The following ARB2A variants were observed in gnomAD, a reference collection of about 807,000 sequenced individuals.
ARB2A encodes the protein ARB2 cotranscriptional regulator A, also known as cotranscriptional regulator ARB2A.
the ARB2A span, among the ~76,000 whole-genome samples, chr5:93,672,343 C>A: frequency 6.6e-6 from 1 of 150,666 alleles, no homozygotes; most frequent in Non-Finnish European, 1.5e-5. Context: ...GATGGAGTCT[C>A]GCTGTCACGA....
chr5:93,811,340 A>G, the ARB2A span, among the ~76,000 whole-genome samples: 1 of 152,180 alleles, frequency 6.6e-6, no homozygotes, highest in African/African-American at 2.4e-5. Context: ...AATGATTTGG[A>G]GACTGTCTAA....
the ARB2A span, among the ~76,000 whole-genome samples, chr5:93,897,726 T>TA: frequency 6.6e-6 from 1 of 151,878 alleles, no homozygotes; most frequent in Admixed American, 6.6e-5. Flanking sequence ...ATCCTCATGC[T>TA]AAAAATATTT....
At chr5:93,740,266 G>A in the ARB2A span, 2 of 243,790 alleles carry the variant, frequency 8.2e-6, no homozygotes, top group Non-Finnish European at 1.6e-5. Context: ...ATAACCACAA[G>A]GAATAACAGA....
the ARB2A span, among the ~76,000 whole-genome samples, chr5:93,755,072 C>T: frequency 1.3e-5 from 2 of 152,066 alleles, no homozygotes; most frequent in African/African-American, 4.8e-5. Flanking sequence ...AAATTATAGC[C>T]TTAAATTCTA....
At chr5:94,085,554 A>C in the ARB2A span, among the ~76,000 whole-genome samples, 6 of 152,250 alleles carry the variant, frequency 3.9e-5, no homozygotes, top group African/African-American at 1.2e-4. Context: ...CAAGAAAGAT[A>C]GATCCAGTAA....
chr5:93,992,478 A>T, the ARB2A span, among the ~76,000 whole-genome samples: 1 of 152,048 alleles, frequency 6.6e-6, no homozygotes, highest in South Asian at 2.1e-4. Flanking sequence ...CCAAAACAGG[A>T]TGTTAAGTGG....
chr5:94,073,270 T>C, the ARB2A span, among the ~76,000 whole-genome samples: 1 of 152,144 alleles, frequency 6.6e-6, no homozygotes, highest in Non-Finnish European at 1.5e-5. Context: ...TCCAGTTTAC[T>C]CCTCCCTTAA....
At chr5:93,880,178 C>T in the ARB2A span, among the ~76,000 whole-genome samples, 3 of 151,738 alleles carry the variant, frequency 2.0e-5, no homozygotes, top group African/African-American at 7.2e-5. Flanking sequence ...ATATTATAAT[C>T]TGCTTGATTC....
At chr5:94,032,352 C>A in the ARB2A span, among the ~76,000 whole-genome samples, 4 of 152,194 alleles carry the variant, frequency 2.6e-5, no homozygotes, top group Non-Finnish European at 5.9e-5. Flanking sequence ...AGGTGTCTCA[C>A]ATGGCAAGAG....
At chr5:93,928,562 A>C in the ARB2A span, among the ~76,000 whole-genome samples, 1 of 152,158 alleles carries the variant, frequency 6.6e-6, no homozygotes, top group East Asian at 1.9e-4. Flanking sequence ...TTTTTTATCT[A>C]AGCACAGGCA....
the ARB2A span, among the ~76,000 whole-genome samples, chr5:94,053,822 A>T: frequency 6.6e-6 from 1 of 152,094 alleles, no homozygotes; most frequent in Non-Finnish European, 1.5e-5. Context: ...GCTGGAGTGC[A>T]GTGGCACAAT....
chr5:93,894,008 T>C, the ARB2A span, among the ~76,000 whole-genome samples: 2 of 152,192 alleles, frequency 1.3e-5, no homozygotes, highest in Admixed American at 6.6e-5. Flanking sequence ...TGCAGGGCAA[T>C]GTATAGACAA....
the ARB2A span, among the ~76,000 whole-genome samples, chr5:93,844,526 A>G: frequency 6.6e-6 from 1 of 152,174 alleles, no homozygotes; most frequent in South Asian, 2.1e-4. Context: ...TAAATGTAAC[A>G]TAAATGCAGA....
the ARB2A span, chr5:93,743,624 C>A: frequency 3.8e-6 from 3 of 792,008 alleles, no homozygotes; most frequent in Non-Finnish European, 4.6e-6. Context: ...GAAGAGAAAG[C>A]AATATATATG....
chr5:94,034,221 T>C, the ARB2A span, among the ~76,000 whole-genome samples: 1 of 152,358 alleles, frequency 6.6e-6, no homozygotes, highest in South Asian at 2.1e-4. Flanking sequence ...AATATCCGTA[T>C]CTTAAGGTCA....
At chr5:93,772,126 G>A in the ARB2A span, among the ~76,000 whole-genome samples, 14 of 152,246 alleles carry the variant, frequency 9.2e-5, no homozygotes, top group South Asian at 4.1e-4. Context: ...CTATGCAGCC[G>A]TAAAAAATGA....
At chr5:93,982,883 C>T in the ARB2A span, among the ~76,000 whole-genome samples, 2 of 152,228 alleles carry the variant, frequency 1.3e-5, no homozygotes, top group East Asian at 3.9e-4. Context: ...GGCGAAACCC[C>T]ACCTCTACTA....
chr5:93,696,579 T>G, the ARB2A span, among the ~76,000 whole-genome samples: 1 of 152,190 alleles, frequency 6.6e-6, no homozygotes, highest in Admixed American at 6.6e-5. Context: ...TATTAGAGCA[T>G]GAATGGGGAT....
chr5:94,063,013 T>C, the ARB2A span, among the ~76,000 whole-genome samples: 1 of 152,308 alleles, frequency 6.6e-6, no homozygotes, highest in Admixed American at 6.5e-5. Context: ...CATTTATCTA[T>C]GGCTAGAGCC....
Sources: gnomAD v4.1 joint callset for allele counts (sites outside exome capture counted in the v4.1 genomes callset) on GRCh38, gnomAD v4.1.1 for gene constraint, MANE v1.5 for transcripts, NCBI Gene and HGNC (gene_info 2026-07-23, HGNC 2026-07-21) for gene names.